ESRRG: variants seen among roughly 807,000 people sequenced by gnomAD.
ESRRG encodes the protein estrogen related receptor gamma, also known as estrogen-related receptor gamma.
Under a neutral mutation model 44.0 loss-of-function variants are expected in ESRRG, and 13 were observed. That is an observed-to-expected ratio of 0.30 (90% CI 0.19 to 0.47). The LOEUF (loss-of-function observed/expected upper bound fraction) is 0.47, where lower values mean the gene tolerates loss of function less well. Among genes scored for constraint, ESRRG ranks in the 20% least tolerant of loss-of-function variants. The pLI is 1.00. For missense variants in ESRRG, 395 were observed against 580.6 expected (o/e 0.68, Z 3.29); for synonymous variants, 215 against 214.6 (o/e 1.00, Z -0.02).
At chr1:217,120,394 C>T (rs1246665864) in intron 1 of ESRRG, among the ~76,000 whole-genome samples, 1 of 151,638 alleles carries the variant, frequency 6.6e-6, no homozygotes, top group Non-Finnish European at 1.5e-5. Flanking sequence ...CCTGAACTAA[C>T]AAGTCTAGTA....
chr1:216,916,749 T>A (rs1425349077), intron 2 of ESRRG, among the ~76,000 whole-genome samples: 3 of 143,872 alleles, frequency 2.1e-5, no homozygotes, highest in Non-Finnish European at 4.5e-5. Flanking sequence ...CTCCTCACCC[T>A]CCTCTCATGA....
chr1:216,678,239 C>T (rs1333830879), intron 1 of ESRRG, among the ~76,000 whole-genome samples: 1 of 152,188 alleles, frequency 6.6e-6, no homozygotes, highest in Non-Finnish European at 1.5e-5. Context: ...CTTAGTGACT[C>T]ATCACCAACA....
At chr1:216,703,660 TGTGTGTG>T (rs2081891854) in intron 1 of ESRRG, among the ~76,000 whole-genome samples, 1 of 16,024 alleles carries the variant, frequency 6.2e-5, no homozygotes. Context: ...GCTGGATAGA[TGTGTGTG>T]TGTGTGTGTG....
chr1:216,683,490 G>A lies in ESRRG; in HGVS notation c.57-5999C>T, dbSNP rs374005063. The stretch of plus-strand genomic sequence containing the variant: ...AAAGACTCTCTCTAGCTTACTCCAT[G>A]AAGAACAAGAGTAAGAAAACAGCTG... On this transcript the variant is annotated intron_variant, in intron 1 of 6. Coordinates refer to ENST00000408911, the MANE Select transcript of ESRRG (RefSeq NM_001438.4). Among the ~76,000 whole-genome samples the A allele has an allele frequency of 9.5e-4, 145 of 152,262 alleles. 1 individual carries two copies. Among genetic ancestry groups the A allele is most frequent in the African/African-American group, 3.2e-3 (132 of 41,544 alleles).
rs2071971833 is a variant in ESRRG at position 216,972,790 on chromosome 1, C to T, written c.-105-33117G>A. ...ACTAGTATGTACTACATAAGTGCAA[C>T]AAGAACAAAGTAAATAAAAGCTTTT... On this transcript the variant is annotated intron_variant, in intron 1 of 7. Coordinates refer to the ESRRG transcript ENST00000359162. Among the ~76,000 whole-genome samples the T allele has an allele frequency of 3.9e-5, 6 of 152,038 alleles. No individual in the cohort carries two copies. In the South Asian group the frequency reaches 1.2e-3, roughly 32 times the overall value.
intron 5 of ESRRG, among the ~76,000 whole-genome samples, chr1:216,560,106 C>A (rs1394532636): frequency 6.6e-6 from 1 of 152,036 alleles, no homozygotes; most frequent in African/African-American, 2.4e-5. Context: ...ATTTCTGTTT[C>A]TTATGTGAAT....
intron 1 of ESRRG, among the ~76,000 whole-genome samples, chr1:216,999,663 G>A (rs1436812403): frequency 5.3e-5 from 8 of 152,104 alleles, no homozygotes; most frequent in African/African-American, 1.2e-4. Flanking sequence ...CTGTAGATTC[G>A]CTTGTTCGTT....
In ESRRG at chr1:216,506,872, G is replaced by A. The variant is rs773344558; in HGVS notation, c.*67C>T. On this transcript the variant is annotated 3_prime_UTR_variant, in exon 7 of 7. Transcript: ENST00000408911. ...TGTTAACTAAACTCTAAGTTTCTTCGACATCACTCTTGGGTTTATTTTCCC... is the reference window on the plus strand; with the variant it reads ...TGTTAACTAAACTCTAAGTTTCTTCAACATCACTCTTGGGTTTATTTTCCC... The A allele has an allele frequency of 3.9e-6, 6 of 1,534,580 alleles. No homozygotes were observed. Among genetic ancestry groups the A allele is most frequent in the African/African-American group, 1.4e-5 (1 of 72,190 alleles).
At chr1:216,567,031 ATCT>A (rs1268231992) in intron 4 of ESRRG, among the ~76,000 whole-genome samples, 2 of 152,202 alleles carry the variant, frequency 1.3e-5, no homozygotes, top group Non-Finnish European at 2.9e-5. Context: ...AGAAGTGGAC[ATCT>A]TCTCTTCCCC....
At chr1:216,810,852 G>A (rs1220680181) in intron 2 of ESRRG, among the ~76,000 whole-genome samples, 1 of 149,630 alleles carries the variant, frequency 6.7e-6, no homozygotes, top group African/African-American at 2.5e-5. Flanking sequence ...GTGTATATAT[G>A]TACATATATA....
At chr1:216,977,886 T>C (rs933557003) in intron 1 of ESRRG, among the ~76,000 whole-genome samples, 17 of 152,094 alleles carry the variant, frequency 1.1e-4, no homozygotes, top group African/African-American at 4.1e-4. Flanking sequence ...CAGGAGCAGA[T>C]TCCTGATAAA....
chr1:216,678,611 T>A (rs937488258), intron 1 of ESRRG, among the ~76,000 whole-genome samples: 1 of 152,196 alleles, frequency 6.6e-6, no homozygotes, highest in African/African-American at 2.4e-5. Context: ...ACCGAATTTC[T>A]GGAAAGGTAA....
chr1:217,012,023 G>T (rs1399132986), intron 1 of ESRRG, among the ~76,000 whole-genome samples: 3 of 152,120 alleles, frequency 2.0e-5, no homozygotes, highest in Non-Finnish European at 2.9e-5. Context: ...TATCTGAAAT[G>T]CATGCAATTG....
At chr1:217,000,707 C>G (rs114651909) in intron 1 of ESRRG, 1 of 152,024 alleles carries the variant, frequency 6.6e-6, no homozygotes, top group Non-Finnish European at 1.5e-5. Flanking sequence ...AGTGAAGGAC[C>G]GTGTAGCAAC....
chr1:216,895,139 A>G (rs1036879589), intron 2 of ESRRG, among the ~76,000 whole-genome samples: 5 of 152,178 alleles, frequency 3.3e-5, no homozygotes, highest in Non-Finnish European at 5.9e-5. Context: ...TTTCTAAAAC[A>G]TCACTGCATT....
chr1:216,861,019 AC>A (rs1265954123), intron 2 of ESRRG, among the ~76,000 whole-genome samples: 1 of 152,096 alleles, frequency 6.6e-6, no homozygotes, highest in Non-Finnish European at 1.5e-5. Flanking sequence ...ATGAAGAGGT[AC>A]AGTATCAGTT....
intron 1 of ESRRG, among the ~76,000 whole-genome samples, chr1:216,978,830 G>A (rs947307486): frequency 1.2e-4 from 19 of 152,130 alleles, no homozygotes; most frequent in African/African-American, 4.3e-4. Context: ...AGGAGGCCAA[G>A]GTCTCTTTCC....
At chr1:217,075,874 A>G (rs2091234394) in intron 1 of ESRRG, among the ~76,000 whole-genome samples, 1 of 152,138 alleles carries the variant, frequency 6.6e-6, no homozygotes, top group Non-Finnish European at 1.5e-5. Flanking sequence ...ATGCTTTTAC[A>G]TTTTATTGAG....
chr1:216,715,211 C>T, intron 1 of ESRRG: 8 of 985,384 alleles, frequency 8.1e-6, no homozygotes, highest in Non-Finnish European at 7.2e-6. Flanking sequence ...ATCTGTGACA[C>T]TATGATCCCA....
Sources: allele counts gnomAD v4.1 joint callset (sites outside exome capture counted in the v4.1 genomes callset), GRCh38; gene constraint gnomAD v4.1.1; transcripts MANE v1.5; gene names NCBI Gene and HGNC (gene_info 2026-07-23, HGNC 2026-07-21).